WWOX: variants seen among roughly 807,000 people sequenced by gnomAD.
The protein encoded by WWOX is WW domain containing oxidoreductase.
A neutral mutation model predicts 46.2 loss-of-function variants in WWOX; 69 were observed. That is an observed-to-expected ratio of 1.49 (90% CI 1.23 to 1.82). The LOEUF (loss-of-function observed/expected upper bound fraction) is 1.82. Ranked by LOEUF, WWOX falls within the 40% of genes most tolerant of loss-of-function variation. The pLI is 0.00. For missense variants in WWOX, 919 were observed against 542.6 expected (o/e 1.69, Z -6.89); for synonymous variants, 359 against 202.6 (o/e 1.77, Z -6.56).
intron 8 of WWOX, among the ~76,000 whole-genome samples, chr16:78,829,147 G>A (rs184394387): frequency 6.6e-6 from 1 of 152,270 alleles, no homozygotes; most frequent in Non-Finnish European, 1.5e-5. Context: ...GAGAGAGACA[G>A]ATAGGCAGAC....
At chr16:78,466,059 T>A (rs2084070028) in intron 8 of WWOX, among the ~76,000 whole-genome samples, 1 of 150,946 alleles carries the variant, frequency 6.6e-6, no homozygotes, top group African/African-American at 2.4e-5. Context: ...TGAGACGGAG[T>A]CTTGCTCTGT....
chr16:78,839,056 GA>G (rs1181870479), intron 8 of WWOX, among the ~76,000 whole-genome samples: 1 of 152,136 alleles, frequency 6.6e-6, no homozygotes, highest in Non-Finnish European at 1.5e-5. Flanking sequence ...ACCTATGGGG[GA>G]AACTGGATCA....
chr16:78,385,496 G>C (rs1272724262), intron 5 of WWOX, among the ~76,000 whole-genome samples: 1 of 152,178 alleles, frequency 6.6e-6, no homozygotes, highest in Admixed American at 6.5e-5. Context: ...AGGCTCAACA[G>C]TGTTAAATGG....
intron 8 of WWOX, among the ~76,000 whole-genome samples, chr16:79,187,431 C>T (rs564521061): frequency 2.1e-4 from 32 of 152,264 alleles, no homozygotes; most frequent in South Asian, 1.7e-3. Flanking sequence ...GACAGAGTAT[C>T]GCTCTGTCAC....
At position 78,592,348 on chromosome 16, in the gene WWOX, G is replaced by A. The variant is rs368249659; in HGVS notation, c.1056+159596G>A. 5.3e-5 allele frequency among the ~76,000 whole-genome samples: 8 copies of A among 152,304 alleles called. No homozygotes were observed. In the East Asian group the frequency reaches 1.2e-3, roughly 22 times the overall value. ...AGCATGATAACAAATAAACATTCAA[G>A]CAGTCACTTAATGATATTGAATTGA... On this transcript the variant is annotated intron_variant, in intron 8 of 8. Transcript: ENST00000566780.
At chr16:78,323,065 G>C (rs1366320130) in intron 5 of WWOX, among the ~76,000 whole-genome samples, 1 of 152,032 alleles carries the variant, frequency 6.6e-6, no homozygotes, top group Admixed American at 6.6e-5. Flanking sequence ...TAAAACAGGC[G>C]TTCCTTACCT....
chr16:78,697,073 A>G (rs1402355768), intron 8 of WWOX, among the ~76,000 whole-genome samples: 1 of 152,144 alleles, frequency 6.6e-6, no homozygotes, highest in Non-Finnish European at 1.5e-5. Context: ...GTAGATGGCC[A>G]TTTGGGCTAA....
chr16:78,450,101 T>A (rs1170411054), intron 8 of WWOX, among the ~76,000 whole-genome samples: 1 of 152,200 alleles, frequency 6.6e-6, no homozygotes. Flanking sequence ...TACTAAAGTA[T>A]AGTTTTCATG....
At chr16:79,189,844 G>A (rs1449926861) in intron 8 of WWOX, among the ~76,000 whole-genome samples, 2 of 147,992 alleles carry the variant, frequency 1.4e-5, no homozygotes, top group Admixed American at 6.8e-5. Flanking sequence ...TAGGAGCTGA[G>A]TGATTTTAGT....
At position 79,153,625 on chromosome 16, in the gene WWOX, T is replaced by G. The variant is rs193086565; in HGVS notation, c.1057-57983T>G. The stretch of plus-strand genomic sequence containing the variant: ...AAAAAGCAATAAAGAACCTCTAGAT[T>G]TTGTGGTCACCATATTAATCATAAA... On this transcript the variant is annotated intron_variant, in intron 8 of 8. Transcript: ENST00000566780. Among the ~76,000 whole-genome samples the G allele has an allele frequency of 1.9e-3, 287 of 152,244 alleles. 1 individual carries two copies. Among genetic ancestry groups the G allele is most frequent in the Middle Eastern group, 6.8e-3 (2 of 294 alleles).
At chr16:78,817,536 T>C (rs540442844) in intron 8 of WWOX, among the ~76,000 whole-genome samples, 1 of 152,308 alleles carries the variant, frequency 6.6e-6, no homozygotes, top group South Asian at 2.1e-4. Context: ...TGCTTCAAAT[T>C]TGCCAATCAA....
chr16:78,146,178 T>TC (rs2034190834), intron 4 of WWOX, among the ~76,000 whole-genome samples: 1 of 152,086 alleles, frequency 6.6e-6, no homozygotes, highest in Non-Finnish European at 1.5e-5. Context: ...GTTGGGATCT[T>TC]TTGGGGAGTA....
chr16:79,042,565 T>C (rs2047991918), intron 8 of WWOX, among the ~76,000 whole-genome samples: 2 of 152,166 alleles, frequency 1.3e-5, no homozygotes, highest in Non-Finnish European at 2.9e-5. Flanking sequence ...TATTAGTGAT[T>C]ATTAGGGTTA....
At chr16:78,157,610 G>A (rs2034650959) in intron 4 of WWOX, among the ~76,000 whole-genome samples, 1 of 152,076 alleles carries the variant, frequency 6.6e-6, no homozygotes, top group Non-Finnish European at 1.5e-5. Flanking sequence ...TCATCTTTAG[G>A]TAATAAGTAA....
intron 8 of WWOX, among the ~76,000 whole-genome samples, chr16:78,766,038 C>T (rs1364065857): frequency 2.0e-5 from 3 of 152,114 alleles, no homozygotes; most frequent in African/African-American, 7.2e-5. Context: ...TTTACAGAGC[C>T]CAGGCACACA....
chr16:78,621,692 C>T (rs191170985), intron 8 of WWOX, among the ~76,000 whole-genome samples: 20 of 141,080 alleles, frequency 1.4e-4, no homozygotes, highest in Admixed American at 1.1e-3. Flanking sequence ...ACGAGCTCTG[C>T]GTCGTGGGTT....
intron 8 of WWOX, among the ~76,000 whole-genome samples, chr16:78,646,267 G>T (rs1030114080): frequency 6.6e-6 from 1 of 151,898 alleles, no homozygotes; most frequent in Admixed American, 6.6e-5. Flanking sequence ...CAATCCTCTT[G>T]CTTCCCAAAG....
At chr16:78,900,839 C>A (rs1490985508) in intron 8 of WWOX, among the ~76,000 whole-genome samples, 1 of 93,140 alleles carries the variant, frequency 1.1e-5, no homozygotes, top group Non-Finnish European at 2.2e-5. Context: ...TAATCAGAGC[C>A]TTTTTTTGAA....
intron 8 of WWOX, among the ~76,000 whole-genome samples, chr16:79,013,516 G>T (rs1314118657): frequency 6.6e-6 from 1 of 152,148 alleles, no homozygotes; most frequent in African/African-American, 2.4e-5. Context: ...TCAAAGCTCA[G>T]GCGTGTGCAA....
Sources: gnomAD v4.1 joint callset for allele counts (sites outside exome capture counted in the v4.1 genomes callset) on GRCh38, gnomAD v4.1.1 for gene constraint, MANE v1.5 for transcripts, NCBI Gene and HGNC (gene_info 2026-07-23, HGNC 2026-07-21) for gene names.